The following USP45 variants were observed in gnomAD, a reference collection of about 807,000 sequenced individuals.
The protein encoded by USP45 is ubiquitin carboxyl-terminal hydrolase 45.
A neutral mutation model predicts 95.8 loss-of-function variants in USP45; 89 were observed. The observed-to-expected ratio is 0.93, with a 90% CI of 0.78 to 1.11. The LOEUF (loss-of-function observed/expected upper bound fraction) is 1.11, where lower values mean the gene tolerates loss of function less well. USP45 is among the 50% of genes least tolerant of loss of function. USP45 has a pLI of 0.00. For synonymous variants in USP45, 281 were observed against 316.2 expected, an observed-to-expected ratio of 0.89 and a Z score of 1.18; for missense variants, 898 against 942.5, an observed-to-expected ratio of 0.95 and a Z score of 0.62.
chr6:99,465,820 T>G (rs1407177282), intron 11 of USP45, among the ~76,000 whole-genome samples: 1 of 152,192 alleles, frequency 6.6e-6, no homozygotes, highest in Non-Finnish European at 1.5e-5. Context: ...TACAGAAATA[T>G]TCCTTGCCAA....
rs529983617 is a variant in USP45 at position 99,470,787 on chromosome 6, T to C, written c.934-2169A>G. ...GTGTAAATTCCATGCAGGAGAAATA[T>C]TTAATGAACTTAAATGAAAAATTCC... is the stretch of plus-strand genomic sequence containing the variant. On this transcript the variant is annotated intron_variant, in intron 9 of 17. Coordinates refer to ENST00000500704, the MANE Select transcript of USP45 (RefSeq NM_001346022.3). Among the ~76,000 whole-genome samples the C allele has an allele frequency of 2.0e-5, 3 of 152,330 alleles. No homozygotes were observed. The East Asian group carries it at 5.8e-4, about 29-fold the overall frequency.
At chr6:99,436,732 CAT>C (rs1336043662) in intron 17 of USP45, among the ~76,000 whole-genome samples, 1 of 152,158 alleles carries the variant, frequency 6.6e-6, no homozygotes, top group African/African-American at 2.4e-5. Flanking sequence ...CATGTCATCT[CAT>C]ATGACCTAGA....
chr6:99,484,004 G>GTTTTTTTTTTTTT (rs773687208), intron 7 of USP45, among the ~76,000 whole-genome samples: 4 of 91,464 alleles, frequency 4.4e-5, no homozygotes, highest in African/African-American at 9.2e-5. Flanking sequence ...ATTTTCCATA[G>GTTTTTTTTTTTTT]TTTTTTTTTT....
At chr6:99,449,583 G>A (rs1290962284) in intron 13 of USP45, among the ~76,000 whole-genome samples, 1 of 152,086 alleles carries the variant, frequency 6.6e-6, no homozygotes, top group African/African-American at 2.4e-5. Context: ...CAATAATAAT[G>A]GGAGACTTTA....
chr6:99,506,932 G>A (rs182534309), intron 4 of USP45, among the ~76,000 whole-genome samples: 5 of 152,320 alleles, frequency 3.3e-5, no homozygotes, highest in East Asian at 1.9e-4. Flanking sequence ...AAGGCTGGGC[G>A]CAGTGGCTCA....
chr6:99,447,583 G>A (rs1011973506), intron 13 of USP45, among the ~76,000 whole-genome samples: 5 of 152,322 alleles, frequency 3.3e-5, no homozygotes, highest in Middle Eastern at 3.4e-3. Flanking sequence ...ACAGCTCAAG[G>A]AGGCCTGCCT....
chr6:99,439,795 CT>C lies in USP45; in HGVS notation c.2133del (p.Ala712HisfsTer24). 6.2e-7 allele frequency: 1 copy of C among 1,606,930 alleles called. No homozygotes were observed. Among genetic ancestry groups the C allele is most frequent in the South Asian group, 1.1e-5 (1 of 89,854 alleles). On this transcript the variant is annotated frameshift_variant, in exon 16 of 18. Coordinates refer to ENST00000500704, the MANE Select transcript of USP45 (RefSeq NM_001346022.3). LOFTEE classifies it high-confidence loss of function. ...TTACAAGTAGCAGAGCAGAATGGTG[CT>C]AAATCGAGCATAAGTGGAAAATCTA... ...RHVDFPLMLD[L>X]APFCSATCKN...
Position 99,446,445 on chromosome 6 carries a change from G to A in USP45, c.1327C>T (p.Arg443Ter), listed in dbSNP as rs138328980. 3.7e-4 allele frequency: 595 copies of A among 1,612,560 alleles called. 1 individual carries two copies. The African/African-American group carries it at 6.4e-3, about 17-fold the overall frequency. ...SKDKSQLIHD[R>*]KCIRKLSSGE... is the part of the protein sequence containing the mutation. The stretch of plus-strand genomic sequence containing the variant: ...GATGACAATTTTCTAATACATTTTC[G>A]GTCATGAATTAGTTGACTCTGTAAG... Residue 443 changes from arginine to a stop codon, truncating the protein, a stop_gained, in exon 14 of 18, where the codon CGA becomes TGA. Coordinates refer to ENST00000500704, the MANE Select transcript of USP45 (RefSeq NM_001346022.3). LOFTEE classifies it high-confidence loss of function.
intron 5 of USP45, among the ~76,000 whole-genome samples, chr6:99,497,066 C>A (rs73760078): frequency 0.021 from 3,190 of 152,170 alleles, 103 homozygotes; most frequent in African/African-American, 0.07. Flanking sequence ...CTAAAAAATT[C>A]TCTGTGCTTT....
chr6:99,481,575 T>G (rs530790905), intron 8 of USP45, among the ~76,000 whole-genome samples: 1 of 152,300 alleles, frequency 6.6e-6, no homozygotes, highest in Admixed American at 6.5e-5. Flanking sequence ...CTGGGTATAT[T>G]GTGTGATGCA....
intron 17 of USP45, 140 bp from the exon 18 acceptor site, chr6:99,435,986 G>T: frequency 2.4e-6 from 2 of 820,192 alleles, no homozygotes; most frequent in Non-Finnish European, 3.6e-6. Context: ...CTTGGGTTAA[G>T]CATTTTCCAA....
In USP45 at chr6:99,435,166, A is replaced by AT. The variant is rs760751814; in HGVS notation, c.*549dup. 1 of 152,646 alleles carries AT rather than the reference A, an allele frequency of 6.6e-6. No individual in the cohort carries two copies. The highest frequency in any genetic ancestry group is 1.5e-5 in the Non-Finnish European group (1 of 68,048). 9.5% of individuals were successfully genotyped at this position (152,646 alleles called of 1,614,324 possible). On this transcript the variant is annotated 3_prime_UTR_variant, in exon 18 of 18. Transcript: ENST00000500704. ...TATACCACTAGATGGCCCTGAGATG[A>AT]TTTTAAGTTAAGTGGTACGTGGATA...
intron 14 of USP45, among the ~76,000 whole-genome samples, chr6:99,444,831 T>C (rs376833043): frequency 1.1e-4 from 16 of 152,324 alleles, no homozygotes; most frequent in Non-Finnish European, 2.1e-4. Context: ...CTGTGCAGCA[T>C]GGTGGGCCCC....
intron 13 of USP45, among the ~76,000 whole-genome samples, chr6:99,452,969 T>C (rs573668782): frequency 1.1e-4 from 16 of 151,964 alleles, no homozygotes; most frequent in African/African-American, 2.4e-4. Flanking sequence ...TAGGTGGGAA[T>C]TGAACAATGA....
chr6:99,479,483 G>A lies in USP45; in HGVS notation c.846-3253C>T, dbSNP rs186790204. ...CCCAAACTGCTGGGATTACAGGCAT[G>A]AGCCACTGTGTCTGGCCCCAGTAGT... On this transcript the variant is annotated intron_variant, in intron 8 of 17. Coordinates refer to ENST00000500704, the MANE Select transcript of USP45 (RefSeq NM_001346022.3). Among the ~76,000 whole-genome samples, 195 of 151,346 alleles carry A rather than the reference G, an allele frequency of 1.3e-3. 2 individuals are homozygous for A. The highest frequency in any genetic ancestry group is 4.4e-3 in the African/African-American group (180 of 41,174).
At chr6:99,473,801 C>CACACACACACACACACACA (rs1232947787) in intron 9 of USP45, among the ~76,000 whole-genome samples, 2 of 150,892 alleles carry the variant, frequency 1.3e-5, no homozygotes, top group Non-Finnish European at 3.0e-5. Flanking sequence ...CACACACACA[C>CACACACACACACACACACA]AAATTCACAG....
Position 99,488,273 on chromosome 6 carries a change from AGAGTAT to A in USP45, c.635_640del (p.Tyr212_Leu214delinsPhe), listed in dbSNP as rs769913441. ...TTTGATCTCATTCATCAGATCAGTA[AGAGTAT>A]AAGTCTGTGCCAAGTTCTAAAAGAA... is the stretch of plus-strand genomic sequence containing the variant. On this transcript the variant is annotated inframe_deletion, in exon 7 of 18. Transcript: ENST00000500704. 5.6e-6 allele frequency: 9 copies of A among 1,611,264 alleles called. No homozygotes were observed. The highest frequency in any genetic ancestry group is 1.3e-5 in the African/African-American group (1 of 74,848).
At chr6:99,492,393 A>G (rs13213273) in intron 5 of USP45, among the ~76,000 whole-genome samples, 7,379 of 51,622 alleles carry the variant, frequency 0.14, 244 homozygotes, top group East Asian at 0.53. Context: ...GCCACTTCAC[A>G]CAAGTGGCCA....
At chr6:99,496,408 A>C (rs1796307494) in intron 5 of USP45, among the ~76,000 whole-genome samples, 1 of 152,070 alleles carries the variant, frequency 6.6e-6, no homozygotes, top group Non-Finnish European at 1.5e-5. Flanking sequence ...TCTTATTTAA[A>C]AAAAAAAAGA....
Sources: gnomAD v4.1 joint callset for allele counts (sites outside exome capture counted in the v4.1 genomes callset) on GRCh38, gnomAD v4.1.1 for gene constraint, MANE v1.5 for transcripts, NCBI Gene and HGNC (gene_info 2026-07-23, HGNC 2026-07-21) for gene names.